KCNIP1: variants seen among roughly 807,000 people sequenced by gnomAD.
KCNIP1 encodes the protein potassium voltage-gated channel interacting protein 1.
In KCNIP1, 18 loss-of-function variants were observed where a neutral mutation model predicts 33.0. The observed-to-expected ratio is 0.55, with a 90% CI of 0.38 to 0.81. The LOEUF (loss-of-function observed/expected upper bound fraction) is 0.81, where lower values mean the gene tolerates loss of function less well. Ranked by LOEUF, KCNIP1 falls within the 30% of genes least tolerant of loss-of-function variation. The pLI, the probability that KCNIP1 is intolerant of heterozygous loss-of-function variation, is 0.00. For missense variants in KCNIP1, 238 were observed against 271.6 expected (o/e 0.88, Z 0.87); for synonymous variants, 93 against 98.3 (o/e 0.95, Z 0.32).
intron 1 of KCNIP1, among the ~76,000 whole-genome samples, chr5:170,544,515 T>C (rs79452637): frequency 0.017 from 2,551 of 152,250 alleles, 92 homozygotes; most frequent in African/African-American, 0.058. Context: ...TCTATCTTGT[T>C]ACTTTTAGTC....
At chr5:170,735,620 C>A (rs756279876) in intron 7 of KCNIP1, 139 bp from the exon 8 acceptor site, 2 of 688,110 alleles carry the variant, frequency 2.9e-6, no homozygotes, top group Non-Finnish European at 2.6e-6. Flanking sequence ...TAGGTCCCCA[C>A]CCTTACTTCT....
intron 1 of KCNIP1, among the ~76,000 whole-genome samples, chr5:170,616,476 C>G (rs1759375487): frequency 6.6e-6 from 1 of 152,198 alleles, no homozygotes. Context: ...GCATGCTTCT[C>G]ATTTTGAAAT....
chr5:170,612,805 G>A (rs947419336), intron 1 of KCNIP1, among the ~76,000 whole-genome samples: 1 of 152,150 alleles, frequency 6.6e-6, no homozygotes, highest in Non-Finnish European at 1.5e-5. Context: ...TAATGGCCGT[G>A]TGTCCTGCCC....
chr5:170,438,657 G>C (rs899732399), intron 1 of KCNIP1, among the ~76,000 whole-genome samples: 24 of 152,130 alleles, frequency 1.6e-4, no homozygotes, highest in Admixed American at 1.4e-3. Context: ...ACTCTTGGGT[G>C]GGGGTGGGAG....
intron 1 of KCNIP1, among the ~76,000 whole-genome samples, chr5:170,459,994 T>C (rs778173353): frequency 3.9e-5 from 6 of 152,172 alleles, no homozygotes; most frequent in Non-Finnish European, 8.8e-5. Context: ...CAATTAGAAA[T>C]GAAATGGGAG....
chr5:170,589,794 T>TGTGCAGTGCG (rs1554103001), intron 1 of KCNIP1, among the ~76,000 whole-genome samples: 1 of 113,164 alleles, frequency 8.8e-6, no homozygotes. Context: ...TGTGATGTGG[T>TGTGCAGTGCG]GTGCGGTGCG....
At chr5:170,650,337 T>C (rs6878547) in intron 1 of KCNIP1, among the ~76,000 whole-genome samples, 150,484 of 150,522 alleles carry the variant, frequency 1, 75,223 homozygotes, top group Middle Eastern at 1. Flanking sequence ...CCTCCCACCC[T>C]GCCATCCCCC....
At chr5:170,447,919 A>C (rs1270369376) in intron 1 of KCNIP1, among the ~76,000 whole-genome samples, 2 of 151,308 alleles carry the variant, frequency 1.3e-5, no homozygotes, top group East Asian at 3.9e-4. Flanking sequence ...GCAGGCATTC[A>C]CCCTCTTTTT....
At chr5:170,401,268 C>T (rs1375369001) in intron 1 of KCNIP1, among the ~76,000 whole-genome samples, 2 of 152,176 alleles carry the variant, frequency 1.3e-5, no homozygotes, top group African/African-American at 4.8e-5. Context: ...TTTTGTTACA[C>T]ATTAATGAAA....
intron 1 of KCNIP1, chr5:170,385,248 G>T (rs1037552577): frequency 2.0e-5 from 31 of 1,575,740 alleles, no homozygotes; most frequent in Middle Eastern, 1.7e-4. Context: ...GAAGGCCAGG[G>T]TTCCTTACAG....
At chr5:170,600,268 C>T (rs1758642793) in intron 1 of KCNIP1, among the ~76,000 whole-genome samples, 1 of 152,228 alleles carries the variant, frequency 6.6e-6, no homozygotes, top group Admixed American at 6.5e-5. Context: ...TTAAGTTTCT[C>T]ACCACCTGGA....
At chr5:170,653,180 T>C (rs2036559) in intron 1 of KCNIP1, among the ~76,000 whole-genome samples, 99,733 of 152,006 alleles carry the variant, frequency 0.66, 34,080 homozygotes, top group African/African-American at 0.85. Context: ...CCTTTCAGTA[T>C]GAGCCAAGAG....
chr5:170,623,598 T>A (rs1759697109), intron 1 of KCNIP1, among the ~76,000 whole-genome samples: 1 of 151,798 alleles, frequency 6.6e-6, no homozygotes, highest in African/African-American at 2.4e-5. Context: ...TTCCCCAACC[T>A]CTCCCCTCAG....
chr5:170,718,910 T>TGG, intron 2 of KCNIP1, 28 bp downstream of exon 2: 1 of 1,591,140 alleles, frequency 6.3e-7, no homozygotes. Flanking sequence ...TCTGAAGGCC[T>TGG]GGGGGGGGTT....
At chr5:170,404,254 A>G (rs1303517862) in intron 1 of KCNIP1, among the ~76,000 whole-genome samples, 1 of 152,248 alleles carries the variant, frequency 6.6e-6, no homozygotes, top group African/African-American at 2.4e-5. Context: ...ATAAAAAATC[A>G]TCTATAATTC....
chr5:170,706,623 T>C (rs992101254), intron 1 of KCNIP1, among the ~76,000 whole-genome samples: 3 of 152,214 alleles, frequency 2.0e-5, no homozygotes, highest in Non-Finnish European at 2.9e-5. Flanking sequence ...GTTCACATCT[T>C]AGCCTGACCT....
At chr5:170,647,808 G>A (rs1055332432) in intron 1 of KCNIP1, among the ~76,000 whole-genome samples, 1 of 152,044 alleles carries the variant, frequency 6.6e-6, no homozygotes, top group African/African-American at 2.4e-5. Context: ...CCTCTGCCCT[G>A]TAAAAGGCAA....
At chr5:170,380,740 C>T (rs1764206027) in intron 1 of KCNIP1, among the ~76,000 whole-genome samples, 1 of 152,194 alleles carries the variant, frequency 6.6e-6, no homozygotes, top group African/African-American at 2.4e-5. Flanking sequence ...CTGAGTCTCT[C>T]CAATGCCTCT....
intron 1 of KCNIP1, chr5:170,422,951 T>C (rs1191607766): frequency 6.6e-6 from 1 of 152,246 alleles, no homozygotes; most frequent in East Asian, 1.9e-4. Context: ...CTGAGCATGG[T>C]GGCATGTGCC....
Sources: allele counts gnomAD v4.1 joint callset (sites outside exome capture counted in the v4.1 genomes callset), GRCh38; gene constraint gnomAD v4.1.1; transcripts MANE v1.5; gene names NCBI Gene and HGNC (gene_info 2026-07-23, HGNC 2026-07-21).